C6: variants seen among roughly 807,000 people sequenced by gnomAD.
C6 encodes complement C6, also known as complement component C6.
In C6, 101 loss-of-function variants were observed where a neutral mutation model predicts 112.9. That is an observed-to-expected ratio of 0.89 (90% CI 0.76 to 1.06). The LOEUF is 1.06. Among genes scored for constraint, C6 ranks in the 50% least tolerant of loss-of-function variants. The pLI is 0.00. For missense variants in C6, 1,202 were observed against 1,104.6 expected (o/e 1.09, Z -1.25); for synonymous variants, 431 against 384.1 (o/e 1.12, Z -1.43).
At chr5:41,168,594 G>A (rs1748171205) in intron 9 of C6, among the ~76,000 whole-genome samples, 1 of 152,016 alleles carries the variant, frequency 6.6e-6, no homozygotes, top group African/African-American at 2.4e-5. Flanking sequence ...GACTCCTTCT[G>A]ACTTCTTTTG....
intron 5 of C6, among the ~76,000 whole-genome samples, chr5:41,192,953 T>TATC (rs1484660526): frequency 6.6e-6 from 1 of 152,188 alleles, no homozygotes; most frequent in Non-Finnish European, 1.5e-5. Flanking sequence ...TCTAAAATTA[T>TATC]ATCATGGTGA....
Position 41,195,817 on chromosome 5 carries a change from G to A in C6, c.562C>T (p.Pro188Ser). Residue 188 changes from proline (P) to serine (S), a missense_variant, in exon 5 of 18, where the codon CCT (proline) becomes TCT (serine). Physicochemically the swap from Pro to Ser is moderately conservative, Grantham distance 74. Coordinates refer to ENST00000337836, the MANE Select transcript of C6 (RefSeq NM_000065.5). ...AVCTRKYNPI[P>S]SVQLMGNGFH... ...CCATTGCCCATCAACTGTACACTAGGGATGGGATTATACTTCCGTGTGCAT... is the reference window on the plus strand; with the variant it reads ...CCATTGCCCATCAACTGTACACTAGAGATGGGATTATACTTCCGTGTGCAT... 6.2e-7 allele frequency: 1 copy of A among 1,613,734 alleles called. No homozygotes were observed. Among genetic ancestry groups the A allele is most frequent in the Non-Finnish European group, 8.5e-7 (1 of 1,179,796 alleles).
At chr5:41,256,903 G>A (rs1741749782) in intron 1 of C6, among the ~76,000 whole-genome samples, 1 of 152,124 alleles carries the variant, frequency 6.6e-6, no homozygotes, top group Admixed American at 6.5e-5. Context: ...CCATCCCCAA[G>A]TCCAATGAGG....
rs1052082143 is a variant in C6, at chr5:41,142,934, T to A, written c.2696A>T (p.Lys899Ile). The change falls in exon 18 of 18, where the codon AAA becomes ATA. Residue 899 changes from lysine to isoleucine, a missense_variant. Transcript: ENST00000337836. Reference sequence around the variant, plus strand: ...TTTCTCACTTGTTGATGATCCCATTTTGACACAGTAGAGTTGGTTTCCACC... The same window carrying A: ...TTTCTCACTTGTTGATGATCCCATTATGACACAGTAGAGTTGGTTTCCACC... ...FKGGNQLYCVKMGSSTSEKTL... is the reference protein window; with the variant it reads ...FKGGNQLYCVIMGSSTSEKTL... 2.5e-6 allele frequency: 4 copies of A among 1,613,546 alleles called. No homozygotes were observed. The highest frequency in any genetic ancestry group is 3.4e-6 in the Non-Finnish European group (4 of 1,179,768).
At chr5:41,239,303 G>T (rs775605774) in intron 1 of C6, among the ~76,000 whole-genome samples, 3 of 151,700 alleles carry the variant, frequency 2.0e-5, no homozygotes, top group Non-Finnish European at 2.9e-5. Flanking sequence ...GTAGAGATGG[G>T]ATTTTGCCAT....
chr5:41,233,126 G>T (rs1207514916), intron 1 of C6, among the ~76,000 whole-genome samples: 1 of 151,938 alleles, frequency 6.6e-6, no homozygotes, highest in Non-Finnish European at 1.5e-5. Context: ...TTCATATAAA[G>T]TTTTGTTTCT....
rs75043846 is a variant in C6 at position 41,176,710 on chromosome 5, A to G, written c.933T>C (p.Ser311=). 1.7e-3 allele frequency: 2,733 copies of G among 1,610,564 alleles called. 89 individuals are homozygous for G. The East Asian group carries it at 0.057, about 34-fold the overall frequency. Residue 311 remains serine, a synonymous_variant, in exon 8 of 18, where the codon TCT becomes TCC. Coordinates refer to ENST00000337836, the MANE Select transcript of C6 (RefSeq NM_000065.5). ...QAIQASHKKD[S]SFIRIHKVMK... ...TCACTTTATGGATCCTAATAAAACT[A>G]GAATCCTAAATGGAAGAAAGAAGTA...
At chr5:41,232,582 A>G (rs1276572705) in intron 1 of C6, among the ~76,000 whole-genome samples, 1 of 152,098 alleles carries the variant, frequency 6.6e-6, no homozygotes, top group Non-Finnish European at 1.5e-5. Context: ...TTGTTTTTTA[A>G]AAAGCAGGTA....
chr5:41,176,150 GA>G (rs1015201970), intron 8 of C6, among the ~76,000 whole-genome samples: 32 of 152,224 alleles, frequency 2.1e-4, no homozygotes, highest in African/African-American at 7.5e-4. Flanking sequence ...GGTTTCCCTT[GA>G]GATATTGGCA....
chr5:41,197,594 T>C (rs1750707778), intron 4 of C6, among the ~76,000 whole-genome samples: 1 of 152,168 alleles, frequency 6.6e-6, no homozygotes, highest in Non-Finnish European at 1.5e-5. Flanking sequence ...TAGAGTATAG[T>C]TCTCATTAGC....
At chr5:41,144,482 G>A (rs972956069) in intron 17 of C6, among the ~76,000 whole-genome samples, 25 of 152,240 alleles carry the variant, frequency 1.6e-4, no homozygotes, top group African/African-American at 6.0e-4. Context: ...GCCCAGGCTA[G>A]TCTCAAACTC....
rs1740314259 is a variant in C6 at position 41,236,502 on chromosome 5, G to T, written c.-21+24692C>A. On this transcript the variant is annotated intron_variant, in intron 1 of 17. Transcript: ENST00000263413. ...CTGGGTACATAACGAAATGAAGGCAGAAATAAAGATGTTCTTTGAAACCAA... is the reference window on the plus strand; with the variant it reads ...CTGGGTACATAACGAAATGAAGGCATAAATAAAGATGTTCTTTGAAACCAA... Among the ~76,000 whole-genome samples, 4 of 142,028 alleles carry T rather than the reference G, an allele frequency of 2.8e-5. No individual in the cohort carries two copies. In the Admixed American group the frequency reaches 2.8e-4, roughly 10 times the overall value. The allele number at this position is 142,028 out of a possible 152,430, so 93.2% of individuals were successfully genotyped here. A position where few individuals can be genotyped will look rare whatever the true frequency, so the allele number is the denominator to read the frequency against.
chr5:41,160,963 G>T (rs937144767), intron 10 of C6, among the ~76,000 whole-genome samples: 4 of 152,234 alleles, frequency 2.6e-5, no homozygotes, highest in African/African-American at 9.6e-5. Context: ...TGACCTTCTA[G>T]TGCAATATGA....
chr5:41,206,173 A>C (rs1751420976), intron 1 of C6, among the ~76,000 whole-genome samples: 1 of 152,254 alleles, frequency 6.6e-6, no homozygotes, highest in African/African-American at 2.4e-5. Context: ...GTTAGAAGGA[A>C]AACTAACAAA....
At chr5:41,239,295 A>G (rs897622113) in intron 1 of C6, among the ~76,000 whole-genome samples, 1 of 151,644 alleles carries the variant, frequency 6.6e-6, no homozygotes, top group Admixed American at 6.6e-5. Context: ...TAGTTTTAGT[A>G]GAGATGGGAT....
At chr5:41,259,687 T>C (rs1226823412) in intron 1 of C6, among the ~76,000 whole-genome samples, 6 of 152,350 alleles carry the variant, frequency 3.9e-5, no homozygotes, top group African/African-American at 1.4e-4. Flanking sequence ...TTAACTCTAA[T>C]TTTAGGAAGA....
At chr5:41,150,628 C>T (rs761149336) in intron 15 of C6, among the ~76,000 whole-genome samples, 11 of 152,142 alleles carry the variant, frequency 7.2e-5, no homozygotes, top group Non-Finnish European at 1.3e-4. Flanking sequence ...GTGGCTCACG[C>T]TTGTAATCCC....
intron 1 of C6, among the ~76,000 whole-genome samples, chr5:41,211,241 G>A (rs1204343394): frequency 6.6e-6 from 1 of 152,052 alleles, no homozygotes; most frequent in Non-Finnish European, 1.5e-5. Flanking sequence ...CTGTAGTGGG[G>A]TGGGGGTAGG....
intron 9 of C6, among the ~76,000 whole-genome samples, chr5:41,168,649 G>A (rs879909326): frequency 6.6e-6 from 1 of 151,716 alleles, no homozygotes; most frequent in Non-Finnish European, 1.5e-5. Context: ...CTTTTTTTCA[G>A]TTATTAATGT....
Sources: allele counts gnomAD v4.1 joint callset (sites outside exome capture counted in the v4.1 genomes callset), GRCh38; gene constraint gnomAD v4.1.1; transcripts MANE v1.5; gene names NCBI Gene and HGNC (gene_info 2026-07-23, HGNC 2026-07-21).